KATNIP: variants seen among roughly 807,000 people sequenced by gnomAD.
KATNIP encodes the protein katanin interacting protein.
KATNIP carries 126 observed loss-of-function variants against 174.0 expected under a neutral mutation model. That is an observed-to-expected ratio of 0.72 (90% CI 0.63 to 0.84). The LOEUF (loss-of-function observed/expected upper bound fraction) is 0.84. KATNIP is among the 40% of genes least tolerant of loss of function. The pLI is 0.00. For synonymous variants in KATNIP, 810 were observed against 835.7 expected, an observed-to-expected ratio of 0.97 and a Z score of 0.53; for missense variants, 1,958 against 2,109.7, an observed-to-expected ratio of 0.93 and a Z score of 1.41.
intron 6 of KATNIP, among the ~76,000 whole-genome samples, chr16:27,653,006 A>G (rs1367731222): frequency 3.3e-5 from 5 of 152,298 alleles, no homozygotes; most frequent in Admixed American, 3.3e-4. Flanking sequence ...CTCTAAAAGA[A>G]AAAAAACAAA....
intron 14 of KATNIP, among the ~76,000 whole-genome samples, chr16:27,722,766 G>C (rs566938467): frequency 4.6e-5 from 7 of 152,312 alleles, no homozygotes; most frequent in Non-Finnish European, 8.8e-5. Context: ...CTTCAACTAA[G>C]GGTTGCTTTG....
At chr16:27,596,071 G>A (rs1165932381) in intron 2 of KATNIP, among the ~76,000 whole-genome samples, 1 of 152,096 alleles carries the variant, frequency 6.6e-6, no homozygotes, top group African/African-American at 2.4e-5. Context: ...GGGAGCCAGG[G>A]GAGCATTTTG....
intron 12 of KATNIP, among the ~76,000 whole-genome samples, chr16:27,707,484 A>C (rs1001562906): frequency 6.6e-6 from 1 of 152,242 alleles, no homozygotes; most frequent in Non-Finnish European, 1.5e-5. Context: ...GGCTCATGAT[A>C]GGGCCTTCTT....
chr16:27,741,932 A>G lies in KATNIP; in HGVS notation c.2623+1012A>G, dbSNP rs1255005530. Among the ~76,000 whole-genome samples the G allele has an allele frequency of 2.0e-5, 3 of 152,008 alleles. No individual in the cohort carries two copies. The East Asian group carries it at 5.8e-4, about 29-fold the overall frequency. ...AAAATAATGAATGCAAGGCCACTGT[A>G]CCAGACCTCCTCTTTACTTTTTTCA... On this transcript the variant is annotated intron_variant, in intron 15 of 27. Transcript: ENST00000261588.
chr16:27,769,731 T>G, intron 20 of KATNIP, 130 bp from the exon 21 acceptor site: 1 of 1,074,264 alleles, frequency 9.3e-7, no homozygotes, highest in Non-Finnish European at 1.4e-6. Context: ...GAAATGGACC[T>G]CGGTCAGGTG....
chr16:27,577,490 G>C (rs1235574154), intron 2 of KATNIP, among the ~76,000 whole-genome samples: 1 of 152,190 alleles, frequency 6.6e-6, no homozygotes, highest in Admixed American at 6.5e-5. Context: ...TCAGGAGTTT[G>C]AGACCAGCCT....
chr16:27,570,426 G>T (rs2090245025), intron 1 of KATNIP, among the ~76,000 whole-genome samples: 2 of 152,024 alleles, frequency 1.3e-5, no homozygotes. Flanking sequence ...AATTAGCCAG[G>T]CATGGTGGTG....
chr16:27,566,206 G>A (rs1470146654), intron 1 of KATNIP, among the ~76,000 whole-genome samples: 2 of 151,974 alleles, frequency 1.3e-5, no homozygotes, highest in African/African-American at 2.4e-5. Flanking sequence ...CAACACATGC[G>A]TATCTTTGCA....
chr16:27,761,966 G>A (rs560300793), intron 19 of KATNIP, among the ~76,000 whole-genome samples: 13 of 152,192 alleles, frequency 8.5e-5, no homozygotes, highest in Non-Finnish European at 1.3e-4. Flanking sequence ...CAGGCCTCCC[G>A]GGGGCTGAAA....
Position 27,585,650 on chromosome 16 carries a change from T to C in KATNIP, c.63+11694T>C, listed in dbSNP as rs184042978. On this transcript the variant is annotated intron_variant, in intron 2 of 27. Coordinates refer to ENST00000261588, the MANE Select transcript of KATNIP (RefSeq NM_015202.5). ...GGGTGGAACTGGAGGTTATTATGTT[T>C]AGTAAAATAAGCCAGGCACAGAAAG... Among the ~76,000 whole-genome samples, 328 of 152,328 alleles carry C rather than the reference T, an allele frequency of 2.2e-3. 1 individual carries two copies. The highest frequency in any genetic ancestry group is 7.7e-3 in the African/African-American group (319 of 41,576).
At chr16:27,631,216 G>A (rs1012415225) in intron 5 of KATNIP, 54 bp downstream of exon 5, 7 of 1,357,066 alleles carry the variant, frequency 5.2e-6, no homozygotes, top group Non-Finnish European at 6.2e-6. Context: ...GTGGGTGGCT[G>A]TGGGAATAGA....
At chr16:27,560,115 C>T (rs1205191408) in intron 1 of KATNIP, among the ~76,000 whole-genome samples, 1 of 151,954 alleles carries the variant, frequency 6.6e-6, no homozygotes, top group Non-Finnish European at 1.5e-5. Context: ...AACCCCGTCT[C>T]CACTAAAAAT....
intron 2 of KATNIP, chr16:27,574,309 C>T (rs568190349): frequency 8.0e-4 from 235 of 293,604 alleles, no homozygotes; most frequent in African/African-American, 4.0e-3. Flanking sequence ...GACCAGGCTC[C>T]GCATGGTGCT....
intron 2 of KATNIP, among the ~76,000 whole-genome samples, chr16:27,596,410 T>C (rs1334798709): frequency 6.6e-6 from 1 of 152,076 alleles, no homozygotes; most frequent in African/African-American, 2.4e-5. Context: ...GAGCAGGCTT[T>C]AGGGGGAACA....
intron 2 of KATNIP, among the ~76,000 whole-genome samples, chr16:27,607,757 C>A (rs1291043481): frequency 2.0e-5 from 3 of 152,266 alleles, no homozygotes; most frequent in East Asian, 3.9e-4. Context: ...ATGGCGCTAA[C>A]CATCATGTCC....
chr16:27,618,293 C>T (rs2076097304), intron 2 of KATNIP, 132 bp from the exon 3 acceptor site: 1 of 674,144 alleles, frequency 1.5e-6, no homozygotes, highest in Non-Finnish European at 2.7e-6. Flanking sequence ...GAGCAATGCG[C>T]CTGGGGTGTT....
intron 5 of KATNIP, among the ~76,000 whole-genome samples, chr16:27,634,664 G>T (rs1301161337): frequency 6.6e-6 from 1 of 152,190 alleles, no homozygotes; most frequent in African/African-American, 2.4e-5. Flanking sequence ...TCCATGCCCT[G>T]TGCTTAGCAC....
intron 13 of KATNIP, among the ~76,000 whole-genome samples, chr16:27,720,859 G>C (rs1007005751): frequency 6.6e-6 from 1 of 152,208 alleles, no homozygotes; most frequent in Admixed American, 6.5e-5. Context: ...AAAGCCAAGA[G>C]GAGGCGGCTG....
intron 14 of KATNIP, among the ~76,000 whole-genome samples, chr16:27,737,594 G>T (rs1432089410): frequency 1.3e-5 from 2 of 152,092 alleles, no homozygotes; most frequent in African/African-American, 4.8e-5. Context: ...GGGCAGCCTA[G>T]TCGTTCAAAG....
Sources: allele counts gnomAD v4.1 joint callset (sites outside exome capture counted in the v4.1 genomes callset), GRCh38; gene constraint gnomAD v4.1.1; transcripts MANE v1.5; gene names NCBI Gene and HGNC (gene_info 2026-07-23, HGNC 2026-07-21).